ILDR1: variants seen among roughly 807,000 people sequenced by gnomAD.
ILDR1 encodes the protein immunoglobulin-like domain-containing receptor 1.
Under a neutral mutation model 62.4 loss-of-function variants are expected in ILDR1, and 56 were observed. The observed-to-expected ratio is 0.90, with a 90% CI of 0.72 to 1.12. ILDR1 has a LOEUF of 1.12. ILDR1 is among the 50% of genes most tolerant of loss of function. The pLI, the probability that ILDR1 is intolerant of heterozygous loss-of-function variation, is 0.00. For synonymous variants in ILDR1, 284 were observed against 277.8 expected (o/e 1.02, Z -0.22); for missense variants, 736 against 710.6 (o/e 1.04, Z -0.41).
chr3:122,017,321 T>C (rs1576736484), intron 1 of ILDR1, among the ~76,000 whole-genome samples: 1 of 151,864 alleles, frequency 6.6e-6, no homozygotes, highest in Non-Finnish European at 1.5e-5. Context: ...AGTGTTAGGA[T>C]TACAGGCGTG....
rs201532267 is a variant in ILDR1, at chr3:122,008,607, T to G, written c.59-1446A>C. On this transcript the variant is annotated intron_variant, in intron 1 of 7. Transcript: ENST00000344209. The stretch of plus-strand genomic sequence containing the variant: ...TCTTTTCTTTTCTTTTTTTTTTTTT[T>G]TTTTGAGATAGAGTCTCGCTCTGTC... Among the ~76,000 whole-genome samples the G allele has an allele frequency of 2.1e-5, 3 of 146,090 alleles. No individual in the cohort carries two copies. In the East Asian group the frequency reaches 5.8e-4, roughly 28 times the overall value.
the ILDR1 span, among the ~76,000 whole-genome samples, chr3:122,041,819 T>C: frequency 6.6e-6 from 1 of 152,014 alleles, no homozygotes; most frequent in Non-Finnish European, 1.5e-5. Flanking sequence ...GGTGGAATCT[T>C]TAGAGCTTTC....
chr3:122,012,831 C>A (rs1020294884), intron 1 of ILDR1, among the ~76,000 whole-genome samples: 54 of 152,166 alleles, frequency 3.5e-4, no homozygotes, highest in African/African-American at 9.2e-4. Flanking sequence ...CAAATGTAAA[C>A]TATCATGATT....
intron 2 of ILDR1, among the ~76,000 whole-genome samples, chr3:122,005,635 C>T (rs1268718388): frequency 6.6e-6 from 1 of 152,070 alleles, no homozygotes; most frequent in Non-Finnish European, 1.5e-5. Flanking sequence ...AGCAGCCAGA[C>T]TCCTGACCAT....
the ILDR1 span, among the ~76,000 whole-genome samples, chr3:122,045,071 C>T: frequency 6.6e-6 from 1 of 152,010 alleles, no homozygotes; most frequent in East Asian, 1.9e-4. Flanking sequence ...ATAAATTTCC[C>T]TCTACACACT....
chr3:122,057,937 C>T, the ILDR1 span, among the ~76,000 whole-genome samples: 1 of 152,332 alleles, frequency 6.6e-6, no homozygotes, highest in African/African-American at 2.4e-5. Flanking sequence ...TGAAGCCAGG[C>T]TGCTGGGGTT....
Position 121,993,177 on chromosome 3 carries a change from C to G in ILDR1, c.1572G>C (p.Arg524Ser). ...SLDITPGKNS[R>S]KKGSVERRSE... is the part of the protein sequence containing the mutation. ...AGCGCCTCTCCACACTCCCTTTTTT[C>G]CTGCTATTCTTGCCTGGAGTGATAT... Residue 524 changes from arginine to serine, a missense_variant, in exon 7 of 8, where the codon AGG becomes AGC. Transcript: ENST00000344209. 1 of 1,609,960 alleles carries G rather than the reference C, an allele frequency of 6.2e-7. No homozygotes were observed. Among genetic ancestry groups the G allele is most frequent in the South Asian group, 1.1e-5 (1 of 90,062 alleles).
chr3:122,045,543 G>A, the ILDR1 span, among the ~76,000 whole-genome samples: 1 of 150,004 alleles, frequency 6.7e-6, no homozygotes, highest in Non-Finnish European at 1.5e-5. Flanking sequence ...TTATTAATGT[G>A]TGGGAGTCTA....
chr3:121,994,901 C>T (rs887484986), intron 5 of ILDR1, among the ~76,000 whole-genome samples: 4 of 152,198 alleles, frequency 2.6e-5, no homozygotes, highest in Non-Finnish European at 5.9e-5. Context: ...GTGCAAAAAG[C>T]TCAAGTAGAT....
intron 7 of ILDR1, among the ~76,000 whole-genome samples, chr3:121,991,327 A>C (rs547374831): frequency 4.6e-5 from 7 of 152,372 alleles, no homozygotes; most frequent in African/African-American, 1.7e-4. Context: ...GAAAATGAAA[A>C]GAAAATAATT....
At chr3:122,000,314 G>C (rs1449111648) in intron 5 of ILDR1, among the ~76,000 whole-genome samples, 4 of 151,504 alleles carry the variant, frequency 2.6e-5, no homozygotes, top group Non-Finnish European at 5.9e-5. Flanking sequence ...GGAGAGGGGA[G>C]AGTGGCTGAA....
the ILDR1 span, among the ~76,000 whole-genome samples, chr3:122,057,286 A>G: frequency 2.5e-4 from 38 of 152,344 alleles, no homozygotes; most frequent in Non-Finnish European, 4.4e-4. Flanking sequence ...ATGTTTGTAA[A>G]GTTTTAGTGA....
rs147976498 is a variant in ILDR1, at chr3:121,989,405, C to T, written c.1600-997G>A. 3.0e-3 allele frequency among the ~76,000 whole-genome samples: 451 copies of T among 152,174 alleles called. 3 individuals are homozygous for T. The highest frequency in any genetic ancestry group is 0.01 in the African/African-American group (419 of 41,536). The stretch of plus-strand genomic sequence containing the variant: ...ACATAAAACTTTTTAAACATTAAAT[C>T]AAAAAGTCAAGAAAAAAGCTGGGAT... On this transcript the variant is annotated intron_variant, in intron 7 of 7. Transcript: ENST00000344209.
chr3:122,050,864 A>G, the ILDR1 span, among the ~76,000 whole-genome samples: 1 of 152,106 alleles, frequency 6.6e-6, no homozygotes, highest in African/African-American at 2.4e-5. Flanking sequence ...TTTGTTTAGG[A>G]AAGTCTTTAT....
At chr3:122,057,944 G>C in the ILDR1 span, among the ~76,000 whole-genome samples, 1 of 152,176 alleles carries the variant, frequency 6.6e-6, no homozygotes, top group Non-Finnish European at 1.5e-5. Context: ...AGGCTGCTGG[G>C]GTTTGAATAC....
At position 121,987,399 on chromosome 3, in the gene ILDR1, C is replaced by T. The variant is rs557265701; in HGVS notation, c.*968G>A. 1.3e-5 allele frequency: 2 copies of T among 152,140 alleles called. No homozygotes were observed. The highest frequency in any genetic ancestry group is 4.8e-5 in the African/African-American group (2 of 41,496). 9.4% of individuals were successfully genotyped at this position (152,140 alleles called of 1,614,324 possible). ...TTTCTTCCTTATTTATATACTGTGT[C>T]ATTCCCAAGAAGGATTTAAAGTGAC... On this transcript the variant is annotated 3_prime_UTR_variant, in exon 8 of 8. Transcript: ENST00000344209.
At chr3:122,042,983 C>T in the ILDR1 span, among the ~76,000 whole-genome samples, 1 of 148,254 alleles carries the variant, frequency 6.7e-6, no homozygotes, top group Non-Finnish European at 1.5e-5. Context: ...GACATGAAGT[C>T]CTTGCCCATG....
In ILDR1 at chr3:121,993,351, G is replaced by GCGGTGC; in HGVS notation, c.1392_1397dup (p.His465_Arg466dup). ...CGGAGGGCAAGGGAGGAGAGTAGCT[G>GCGGTGC]CGGTGCCTGCGTCGTCTCCCGTGCC... is the stretch of plus-strand genomic sequence containing the variant. On this transcript the variant is annotated inframe_insertion, in exon 7 of 8. Coordinates refer to ENST00000344209, the MANE Select transcript of ILDR1 (RefSeq NM_001199799.2). 1 of 1,609,974 alleles carries GCGGTGC rather than the reference G, an allele frequency of 6.2e-7. No individual in the cohort carries two copies. Among genetic ancestry groups the GCGGTGC allele is most frequent in the Non-Finnish European group, 8.5e-7 (1 of 1,176,894 alleles).
the ILDR1 span, among the ~76,000 whole-genome samples, chr3:122,030,492 G>T: frequency 1.3e-5 from 2 of 151,864 alleles, no homozygotes; most frequent in African/African-American, 4.8e-5. Context: ...AATGCAAGAG[G>T]CTGTGATTGG....
Sources: allele counts gnomAD v4.1 joint callset (sites outside exome capture counted in the v4.1 genomes callset), GRCh38; gene constraint gnomAD v4.1.1; transcripts MANE v1.5; gene names NCBI Gene and HGNC (gene_info 2026-07-23, HGNC 2026-07-21).